Variants in SEMA3A observed in about 807,000 individuals in gnomAD.
SEMA3A encodes semaphorin 3A.
Under a neutral mutation model 97.9 loss-of-function variants are expected in SEMA3A, and 29 were observed. The observed-to-expected ratio is 0.30, with a 90% confidence interval of 0.22 to 0.40. The LOEUF is 0.40. Ranked by LOEUF, SEMA3A falls within the 10% of genes least tolerant of loss-of-function variation. SEMA3A has a pLI of 1.00. For missense variants in SEMA3A, 763 were observed against 951.3 expected, an observed-to-expected ratio of 0.80 and a Z score of 2.60; for synonymous variants, 321 against 323.7, an observed-to-expected ratio of 0.99 and a Z score of 0.09.
chr7:84,413,690 A>G (rs1189400854), intron 1 of SEMA3A, among the ~76,000 whole-genome samples: 2 of 152,142 alleles, frequency 1.3e-5, no homozygotes, highest in Non-Finnish European at 2.9e-5. Flanking sequence ...AGTAGAAGTA[A>G]AAATCAATCA....
chr7:83,977,149 C>A lies in SEMA3A; in HGVS notation c.1700G>T (p.Cys567Phe). 6.3e-7 allele frequency: 1 copy of A among 1,584,156 alleles called. No individual in the cohort carries two copies. Among genetic ancestry groups the A allele is most frequent in the Non-Finnish European group, 8.6e-7 (1 of 1,163,348 alleles). The change falls in exon 15 of 17, where the codon TGT (cysteine) becomes TTT (phenylalanine). Residue 567 changes from cysteine to phenylalanine, a missense_variant. Physicochemically the swap from Cys to Phe is radical, Grantham distance 205. This residue lies in a region of SEMA3A where 678 missense variants were observed against 881.3 expected (regional missense o/e 0.77). Coordinates refer to ENST00000265362, the MANE Select transcript of SEMA3A (RefSeq NM_006080.3). ...TGACTTACCATGGTGTAAGTCTGAA[C>A]AGTGAGTCAGTGGGTCTCCATTTCT... ...DIRNGDPLTHCSDLHHDNHHG... is the reference protein window; with the variant it reads ...DIRNGDPLTHFSDLHHDNHHG...
chr7:84,158,396 C>T (rs571520956), intron 1 of SEMA3A, among the ~76,000 whole-genome samples: 1 of 152,154 alleles, frequency 6.6e-6, no homozygotes, highest in African/African-American at 2.4e-5. Context: ...TCGTGATCCA[C>T]CTGCCTCGGC....
rs532989796 is a variant in SEMA3A at position 84,367,196 on chromosome 7, G to A, written c.-169+4628C>T. The stretch of plus-strand genomic sequence containing the variant: ...AGACATTTTCTAATAAAAAATAAAC[G>A]TATAGGTGAGATGTGGAATTACCAA... On this transcript the variant is annotated intron_variant, in intron 2 of 3. Coordinates refer to the SEMA3A transcript ENST00000424555. 6.6e-5 allele frequency among the ~76,000 whole-genome samples: 10 copies of A among 151,250 alleles called. No homozygotes were observed. In the East Asian group the frequency reaches 1.9e-3, roughly 29 times the overall value.
intron 1 of SEMA3A, among the ~76,000 whole-genome samples, chr7:84,433,490 G>A (rs914813240): frequency 6.6e-5 from 10 of 151,958 alleles, no homozygotes; most frequent in African/African-American, 2.4e-4. Flanking sequence ...TGGACATTTG[G>A]GTTCGTTCCA....
chr7:84,255,491 C>T (rs954168322), intron 3 of SEMA3A, among the ~76,000 whole-genome samples: 23 of 152,250 alleles, frequency 1.5e-4, no homozygotes, highest in Admixed American at 3.9e-4. Context: ...AGGAACACAT[C>T]TGTTACCCAC....
intron 1 of SEMA3A, among the ~76,000 whole-genome samples, chr7:84,455,886 A>G (rs1046797071): frequency 3.9e-5 from 6 of 151,994 alleles, no homozygotes; most frequent in African/African-American, 1.2e-4. Context: ...CATGCTAATG[A>G]ATATCTCTTC....
At chr7:84,424,934 T>C (rs1317047663) in intron 1 of SEMA3A, among the ~76,000 whole-genome samples, 1 of 98,370 alleles carries the variant, frequency 1.0e-5, no homozygotes, top group Non-Finnish European at 1.7e-5. Context: ...TTTATATTTA[T>C]ATAAATATAT....
intron 1 of SEMA3A, among the ~76,000 whole-genome samples, chr7:84,147,086 T>G (rs1240847594): frequency 6.6e-6 from 1 of 152,170 alleles, no homozygotes; most frequent in Non-Finnish European, 1.5e-5. Context: ...AAAGCACGTG[T>G]TTTTTAAAAA....
At chr7:84,275,129 T>C (rs1800260661) in intron 3 of SEMA3A, among the ~76,000 whole-genome samples, 1 of 152,110 alleles carries the variant, frequency 6.6e-6, no homozygotes, top group Non-Finnish European at 1.5e-5. Flanking sequence ...TCTGCATTTG[T>C]TTTCTTACAT....
chr7:84,111,143 T>G (rs1005481468), intron 3 of SEMA3A, among the ~76,000 whole-genome samples: 4 of 152,204 alleles, frequency 2.6e-5, no homozygotes, highest in African/African-American at 9.6e-5. Flanking sequence ...GCATTCAAAT[T>G]ATTTTGTTAA....
intron 6 of SEMA3A, among the ~76,000 whole-genome samples, chr7:84,037,559 G>A (rs1426549085): frequency 6.6e-6 from 1 of 151,980 alleles, no homozygotes; most frequent in Admixed American, 6.6e-5. Context: ...CTGTAAACAC[G>A]TTGAAAAGTT....
At chr7:84,413,138 T>C (rs1804318679) in intron 1 of SEMA3A, among the ~76,000 whole-genome samples, 1 of 152,178 alleles carries the variant, frequency 6.6e-6, no homozygotes, top group Admixed American at 6.5e-5. Context: ...ATCTACTGAC[T>C]TCTATGTAGG....
intron 3 of SEMA3A, among the ~76,000 whole-genome samples, chr7:84,283,784 T>C (rs1800513833): frequency 6.6e-6 from 1 of 152,180 alleles, no homozygotes; most frequent in African/African-American, 2.4e-5. Flanking sequence ...TAGTTTAATT[T>C]TGCATATGGA....
chr7:84,110,460 C>A lies in SEMA3A; in HGVS notation c.453+10G>T. 1 of 1,612,734 alleles carries A rather than the reference C, an allele frequency of 6.2e-7. No individual in the cohort carries two copies. Among genetic ancestry groups the A allele is most frequent in the African/African-American group, 1.3e-5 (1 of 74,912 alleles). On this transcript the variant is annotated intron_variant, in intron 4 of 16. Transcript: ENST00000265362. The stretch of plus-strand genomic sequence containing the variant: ...ATGGACAAATATAATTTTTAAAAAG[C>A]CAGCGTTACCTCAGGATGATGTCCA...
chr7:84,478,160 T>A (rs1562960497), intron 1 of SEMA3A, among the ~76,000 whole-genome samples: 2 of 152,144 alleles, frequency 1.3e-5, no homozygotes, highest in Non-Finnish European at 2.9e-5. Flanking sequence ...TAGTGTCAGT[T>A]CCCTGCGGGA....
intron 15 of SEMA3A, 123 bp downstream of exon 15, chr7:83,977,009 C>T: frequency 2.1e-6 from 1 of 466,114 alleles, no homozygotes; most frequent in South Asian, 7.1e-5. Context: ...GATTTTACTT[C>T]TCTTCGGCTG....
chr7:83,984,349 G>A (rs888859441), intron 13 of SEMA3A, among the ~76,000 whole-genome samples: 1 of 152,062 alleles, frequency 6.6e-6, no homozygotes, highest in African/African-American at 2.4e-5. Flanking sequence ...CAGGTCAATC[G>A]TATCTGCACT....
At chr7:84,031,200 C>T (rs775194115) in intron 6 of SEMA3A, among the ~76,000 whole-genome samples, 12 of 151,628 alleles carry the variant, frequency 7.9e-5, no homozygotes, top group Non-Finnish European at 1.8e-4. Flanking sequence ...ACCATATTGG[C>T]CAGGATAGTC....
chr7:83,999,111 A>G (rs1790336124), intron 12 of SEMA3A, among the ~76,000 whole-genome samples: 1 of 152,186 alleles, frequency 6.6e-6, no homozygotes, highest in African/African-American at 2.4e-5. Context: ...ATGTTAGGCA[A>G]TAGGAAATTT....
Sources: gnomAD v4.1 joint callset for allele counts (sites outside exome capture counted in the v4.1 genomes callset) on GRCh38, gnomAD v4.1.1 for gene constraint, gnomAD v4.1.1 regional missense constraint, MANE v1.5 for transcripts, NCBI Gene and HGNC (gene_info 2026-07-23, HGNC 2026-07-21) for gene names.